The following SLIT2 variants were observed in gnomAD, a reference collection of about 807,000 sequenced individuals.
SLIT2 encodes the protein slit homolog 2 protein.
In SLIT2, 41 loss-of-function variants were observed where a neutral mutation model predicts 185.7. The ratio of observed to expected loss-of-function variants is 0.22; its 90% CI spans 0.17 to 0.29. The LOEUF (loss-of-function observed/expected upper bound fraction) is 0.29, where lower values mean the gene tolerates loss of function less well. Ranked by LOEUF, SLIT2 falls within the 10% of genes least tolerant of loss-of-function variation. SLIT2 has a pLI of 1.00. For missense variants in SLIT2, 1,571 were observed against 1,909.0 expected (o/e 0.82, Z 3.30); for synonymous variants, 693 against 680.2 (o/e 1.02, Z -0.29).
chr4:20,560,540 G>A lies in SLIT2; in HGVS notation c.2725+6572G>A, dbSNP rs76773627. ...CCTCATCTTTTAAATATAAGATGAC[G>A]TTAGAGTGATTAAGCAGTCTGCAAT... On this transcript the variant is annotated intron_variant, in intron 26 of 36. Transcript: ENST00000504154. Among the ~76,000 whole-genome samples, 206 of 151,934 alleles carry A rather than the reference G, an allele frequency of 1.4e-3. 1 individual carries two copies. The highest frequency in any genetic ancestry group is 4.5e-3 in the African/African-American group (186 of 41,416).
intron 4 of SLIT2, among the ~76,000 whole-genome samples, chr4:20,291,040 A>G (rs1182319001): frequency 1.3e-5 from 2 of 151,810 alleles, no homozygotes; most frequent in Non-Finnish European, 2.9e-5. Flanking sequence ...TGTGGTCAGC[A>G]CCCAACTATT....
intron 4 of SLIT2, among the ~76,000 whole-genome samples, chr4:20,275,490 G>A (rs1445333474): frequency 6.6e-6 from 1 of 152,176 alleles, no homozygotes; most frequent in African/African-American, 2.4e-5. Context: ...CAAGCAAGAT[G>A]GAAATGATAG....
intron 26 of SLIT2, among the ~76,000 whole-genome samples, chr4:20,561,041 G>A (rs575025522): frequency 1.3e-5 from 2 of 151,950 alleles, no homozygotes; most frequent in South Asian, 2.1e-4. Flanking sequence ...GATGACTATG[G>A]AATTGTAACT....
chr4:20,371,400 A>C (rs1484294957), intron 4 of SLIT2, among the ~76,000 whole-genome samples: 6 of 152,092 alleles, frequency 3.9e-5, no homozygotes, highest in African/African-American at 1.4e-4. Context: ...TATTACAACA[A>C]AACAGTAAAT....
chr4:20,397,349 G>A (rs1027496785), intron 4 of SLIT2, among the ~76,000 whole-genome samples: 1 of 151,770 alleles, frequency 6.6e-6, no homozygotes, highest in Non-Finnish European at 1.5e-5. Context: ...GAGTTCTAAT[G>A]CTAATTAAAT....
At chr4:20,311,099 A>G (rs1454044343) in intron 4 of SLIT2, among the ~76,000 whole-genome samples, 1 of 152,172 alleles carries the variant, frequency 6.6e-6, no homozygotes, top group Non-Finnish European at 1.5e-5. Flanking sequence ...ATTTTGCCCA[A>G]GCTGGTCTCA....
chr4:20,408,274 T>C (rs927472144), intron 4 of SLIT2, among the ~76,000 whole-genome samples: 2 of 152,196 alleles, frequency 1.3e-5, no homozygotes, highest in Admixed American at 6.5e-5. Context: ...GAAGCTGAGA[T>C]TATAATACTG....
At chr4:20,365,186 C>G (rs1723016320) in intron 4 of SLIT2, among the ~76,000 whole-genome samples, 1 of 152,126 alleles carries the variant, frequency 6.6e-6, no homozygotes, top group Admixed American at 6.5e-5. Flanking sequence ...TGGACAGTTC[C>G]AGTTTTTCAT....
At chr4:20,417,765 G>A (rs556658166) in intron 4 of SLIT2, among the ~76,000 whole-genome samples, 25 of 151,756 alleles carry the variant, frequency 1.6e-4, no homozygotes, top group African/African-American at 5.3e-4. Context: ...TGATCCGCCC[G>A]CCTCAGCCTC....
At chr4:20,312,670 G>C (rs1250430513) in intron 4 of SLIT2, among the ~76,000 whole-genome samples, 1 of 150,908 alleles carries the variant, frequency 6.6e-6, no homozygotes, top group Admixed American at 6.6e-5. Flanking sequence ...CTACTTGGGA[G>C]GCTGAGGCAG....
intron 4 of SLIT2, among the ~76,000 whole-genome samples, chr4:20,300,110 T>G (rs1019082333): frequency 3.9e-5 from 6 of 152,126 alleles, no homozygotes; most frequent in African/African-American, 1.4e-4. Flanking sequence ...GGACCATCTC[T>G]TCTCAGATTT....
At chr4:20,608,680 G>A (rs923069468) in intron 33 of SLIT2, among the ~76,000 whole-genome samples, 11 of 152,190 alleles carry the variant, frequency 7.2e-5, no homozygotes, top group African/African-American at 2.4e-4. Context: ...TCAAAAAAAC[G>A]TTTTATTACC....
At chr4:20,578,224 C>T (rs757443103) in intron 29 of SLIT2, among the ~76,000 whole-genome samples, 3 of 152,036 alleles carry the variant, frequency 2.0e-5, no homozygotes, top group East Asian at 1.9e-4. Flanking sequence ...ACTTTACTAG[C>T]GAATGCAATG....
intron 4 of SLIT2, among the ~76,000 whole-genome samples, chr4:20,411,857 G>C (rs890961904): frequency 6.6e-6 from 1 of 152,056 alleles, no homozygotes; most frequent in Non-Finnish European, 1.5e-5. Context: ...AAAACTCTTC[G>C]GTGTGCACTC....
In SLIT2 at chr4:20,533,584, C is replaced by T. The variant is rs1721994019; in HGVS notation, c.1701C>T (p.Asn567=). The T allele has an allele frequency of 6.2e-7, 1 of 1,607,698 alleles. No homozygotes were observed. Among genetic ancestry groups the T allele is most frequent in the African/African-American group, 1.3e-5 (1 of 74,722 alleles). The change falls in exon 18 of 37, where the codon AAC becomes AAT. Residue 567 remains asparagine, a synonymous_variant. Transcript: ENST00000504154. ...LPQLRKINFS[N]NKITDIEEGA... is the part of the protein sequence containing the mutation. ...AATTTTTATTTAGAAACTTTAGCAA[C>T]AATAAGATCACAGATATTGAGGAGG...
intron 4 of SLIT2, among the ~76,000 whole-genome samples, chr4:20,402,038 G>C (rs1337883996): frequency 6.6e-6 from 1 of 151,816 alleles, no homozygotes; most frequent in African/African-American, 2.4e-5. Context: ...AGGGGAAAGA[G>C]GGATAGTGGG....
At chr4:20,487,894 T>A (rs1420342922) in intron 7 of SLIT2, among the ~76,000 whole-genome samples, 1 of 152,204 alleles carries the variant, frequency 6.6e-6, no homozygotes, top group African/African-American at 2.4e-5. Context: ...TGTTTTAATA[T>A]CCATTACTGT....
At chr4:20,505,625 C>A (rs1262371202) in intron 9 of SLIT2, among the ~76,000 whole-genome samples, 1 of 152,018 alleles carries the variant, frequency 6.6e-6, no homozygotes, top group African/African-American at 2.4e-5. Flanking sequence ...TATGTAAGAT[C>A]TGCTCACCAA....
At chr4:20,445,795 A>G (rs1711717064) in intron 4 of SLIT2, among the ~76,000 whole-genome samples, 2 of 152,064 alleles carry the variant, frequency 1.3e-5, no homozygotes, top group Admixed American at 1.3e-4. Context: ...CTCAAATACA[A>G]GTTTTACCAA....
Sources: gnomAD v4.1 joint callset for allele counts (sites outside exome capture counted in the v4.1 genomes callset) on GRCh38, gnomAD v4.1.1 for gene constraint, MANE v1.5 for transcripts, NCBI Gene and HGNC (gene_info 2026-07-23, HGNC 2026-07-21) for gene names.